Variants in TRHDE observed in about 807,000 individuals in gnomAD.
The protein encoded by TRHDE is thyrotropin-releasing hormone-degrading ectoenzyme.
In TRHDE, 72 loss-of-function variants were observed where a neutral mutation model predicts 125.7. That is an observed-to-expected ratio of 0.57 (90% CI 0.47 to 0.70). The LOEUF (loss-of-function observed/expected upper bound fraction) is 0.70, where lower values mean the gene tolerates loss of function less well. TRHDE is among the 30% of genes least tolerant of loss of function. TRHDE has a pLI of 0.00. For missense variants in TRHDE, 1,110 were observed against 1,327.1 expected (o/e 0.84, Z 2.54); for synonymous variants, 509 against 509.1 (o/e 1.00, Z 0.00).
chr12:72,553,004 A>G (rs1869747981), intron 7 of TRHDE, among the ~76,000 whole-genome samples: 1 of 152,180 alleles, frequency 6.6e-6, no homozygotes, highest in South Asian at 2.1e-4. Context: ...AAAGCTGGCA[A>G]TGGGGAAATC....
intron 3 of TRHDE, among the ~76,000 whole-genome samples, chr12:72,380,766 G>GCTTGCTTC (rs1872124141): frequency 2.8e-5 from 2 of 71,012 alleles, no homozygotes; most frequent in Admixed American, 1.6e-4. Flanking sequence ...TTCCTTCCTT[G>GCTTGCTTC]CTTCCTTCCT....
intron 2 of TRHDE, among the ~76,000 whole-genome samples, chr12:72,142,475 TG>T (rs1345117692): frequency 6.6e-6 from 1 of 152,098 alleles, no homozygotes; most frequent in Admixed American, 6.5e-5. Flanking sequence ...TGGGGTGACT[TG>T]GGGTAACTTG....
chr12:72,095,039 C>G (rs1592437974), intron 1 of TRHDE, among the ~76,000 whole-genome samples: 1 of 152,188 alleles, frequency 6.6e-6, no homozygotes, highest in Non-Finnish European at 1.5e-5. Flanking sequence ...TATCTTTTCT[C>G]AGCAGAAATT....
chr12:72,356,915 A>G (rs1363827776), intron 2 of TRHDE, among the ~76,000 whole-genome samples: 1 of 151,562 alleles, frequency 6.6e-6, no homozygotes, highest in Non-Finnish European at 1.5e-5. Flanking sequence ...CATTGTGGTT[A>G]CATAAGAAAA....
At chr12:72,287,269 G>C (rs1879925482) in intron 2 of TRHDE, among the ~76,000 whole-genome samples, 1 of 152,034 alleles carries the variant, frequency 6.6e-6, no homozygotes, top group Admixed American at 6.6e-5. Flanking sequence ...TTGGAAAATT[G>C]CCTGTTTGTA....
At chr12:72,331,253 A>G (rs1420692163) in intron 2 of TRHDE, among the ~76,000 whole-genome samples, 1 of 152,186 alleles carries the variant, frequency 6.6e-6, no homozygotes, top group Admixed American at 6.5e-5. Context: ...GTAAGTGTTG[A>G]TTTCCAAAAC....
rs376355336 is a variant in TRHDE at position 72,647,002 on chromosome 12, G to T, written c.2676-5320G>T. 1.0e-3 allele frequency among the ~76,000 whole-genome samples: 152 copies of T among 151,928 alleles called. 2 individuals are homozygous for T. In the South Asian group the frequency reaches 0.01, roughly 10 times the overall value. On this transcript the variant is annotated intron_variant, in intron 15 of 18. Coordinates refer to ENST00000261180, the MANE Select transcript of TRHDE (RefSeq NM_013381.3). Reference sequence around the variant, plus strand: ...ACAGACATACACAGAATATCCTACCGTCCGACAACAGAATATACATTCTTC... The same window carrying T: ...ACAGACATACACAGAATATCCTACCTTCCGACAACAGAATATACATTCTTC...
chr12:72,279,838 C>T (rs1253081582), intron 1 of TRHDE, among the ~76,000 whole-genome samples: 2 of 152,128 alleles, frequency 1.3e-5, no homozygotes, highest in Non-Finnish European at 2.9e-5. Flanking sequence ...TAATTCCTCC[C>T]AGTGCACACC....
At position 72,651,920 on chromosome 12, in the gene TRHDE, A is replaced by T. The variant is rs11179304; in HGVS notation, c.2676-402A>T. On this transcript the variant is annotated intron_variant, in intron 15 of 18. Transcript: ENST00000261180. ...AAAATGTTTCCGTTCTATCCAAATT[A>T]ATTAGTGTCCTCAACTGGTACTTTC... is the stretch of plus-strand genomic sequence containing the variant. Among the ~76,000 whole-genome samples, 235 of 152,096 alleles carry T rather than the reference A, an allele frequency of 1.5e-3. 3 individuals carry two copies. The highest frequency in any genetic ancestry group is 6.5e-3 in the Admixed American group (99 of 15,244).
In TRHDE at chr12:72,621,676, G is replaced by A; in HGVS notation, c.2600G>A (p.Cys867Tyr). 1 of 1,607,086 alleles carries A rather than the reference G, an allele frequency of 6.2e-7. No individual in the cohort carries two copies. Among genetic ancestry groups the A allele is most frequent in the East Asian group, 2.3e-5 (1 of 44,434 alleles). The change falls in exon 15 of 19, where the codon TGC becomes TAC. Residue 867 changes from cysteine to tyrosine, a missense_variant. Coordinates refer to ENST00000261180, the MANE Select transcript of TRHDE (RefSeq NM_013381.3). The part of the protein sequence containing the change: ...ELRREVIMLA[C>Y]SFGNKHCHQQ... Reference sequence around the variant, plus strand: ...CGTAGAGAAGTTATAATGCTGGCCTGCAGTTTTGGCAACAAGCACTGTCAC... The same window carrying A: ...CGTAGAGAAGTTATAATGCTGGCCTACAGTTTTGGCAACAAGCACTGTCAC...
At chr12:72,110,541 C>T (rs527602470) in intron 2 of TRHDE, among the ~76,000 whole-genome samples, 175 of 152,066 alleles carry the variant, frequency 1.2e-3, no homozygotes, top group Middle Eastern at 6.8e-3. Context: ...TGTTATTCAA[C>T]GCTAATTTCT....
intron 2 of TRHDE, among the ~76,000 whole-genome samples, chr12:72,155,002 T>C (rs908565961): frequency 6.6e-6 from 1 of 152,252 alleles, no homozygotes; most frequent in African/African-American, 2.4e-5. Flanking sequence ...CTAACTTGGT[T>C]CCATTCTCCC....
intron 2 of TRHDE, among the ~76,000 whole-genome samples, chr12:72,220,864 T>A (rs1467472691): frequency 6.6e-6 from 1 of 152,130 alleles, no homozygotes; most frequent in East Asian, 1.9e-4. Flanking sequence ...TTTTGTTGCC[T>A]TTCCTTATTA....
chr12:72,127,378 C>A (rs1262955146), intron 2 of TRHDE, among the ~76,000 whole-genome samples: 1 of 152,202 alleles, frequency 6.6e-6, no homozygotes, highest in Non-Finnish European at 1.5e-5. Flanking sequence ...TAAAAAGACA[C>A]ATGTACTCAT....
At chr12:72,121,012 A>G (rs958753501) in intron 2 of TRHDE, among the ~76,000 whole-genome samples, 1 of 151,610 alleles carries the variant, frequency 6.6e-6, no homozygotes, top group African/African-American at 2.4e-5. Context: ...TTTATATCTT[A>G]TTGTATTGTC....
intron 1 of TRHDE, among the ~76,000 whole-genome samples, chr12:72,105,306 C>T (rs139552322): frequency 3.0e-4 from 46 of 152,074 alleles, no homozygotes; most frequent in African/African-American, 9.9e-4. Flanking sequence ...ATTTGATTAA[C>T]GGAGAGATCA....
At chr12:72,109,122 T>A (rs1485395299) in intron 2 of TRHDE, among the ~76,000 whole-genome samples, 1 of 152,070 alleles carries the variant, frequency 6.6e-6, no homozygotes, top group Non-Finnish European at 1.5e-5. Context: ...GATTGCCTAC[T>A]ATGTGCTAGG....
At chr12:72,290,367 T>C (rs1880041119) in intron 2 of TRHDE, among the ~76,000 whole-genome samples, 1 of 152,252 alleles carries the variant, frequency 6.6e-6, no homozygotes, top group Non-Finnish European at 1.5e-5. Flanking sequence ...CAACCTTTGT[T>C]AATTACCTTA....
chr12:72,417,105 G>A (rs1481201734), intron 3 of TRHDE, among the ~76,000 whole-genome samples: 3 of 151,756 alleles, frequency 2.0e-5, no homozygotes, highest in African/African-American at 7.3e-5. Context: ...TAATTCCTGG[G>A]TATTTCATTT....
Sources: allele counts gnomAD v4.1 joint callset (sites outside exome capture counted in the v4.1 genomes callset), GRCh38; gene constraint gnomAD v4.1.1; transcripts MANE v1.5; gene names NCBI Gene and HGNC (gene_info 2026-07-23, HGNC 2026-07-21).